SLC16A14: variants seen among roughly 807,000 people sequenced by gnomAD.
The protein encoded by SLC16A14 is solute carrier family 16 member 14.
Under a neutral mutation model 35.8 loss-of-function variants are expected in SLC16A14, and 14 were observed. The ratio of observed to expected loss-of-function variants is 0.39; its 90% CI spans 0.26 to 0.61. The LOEUF is 0.61. Among genes scored for constraint, SLC16A14 ranks in the 20% least tolerant of loss-of-function variants. SLC16A14 has a pLI of 0.51. For synonymous variants in SLC16A14, 248 were observed against 258.9 expected (o/e 0.96, Z 0.40); for missense variants, 533 against 655.0 (o/e 0.81, Z 2.03).
chr2:230,045,662 AC>A (rs768403347), intron 4 of SLC16A14, 82 bp downstream of exon 4: 14 of 1,469,054 alleles, frequency 9.5e-6, no homozygotes, highest in African/African-American at 2.8e-5. Flanking sequence ...ACAAATGGAA[AC>A]CTTCTTCTTT....
At chr2:230,054,383 A>G (rs1022884719) in intron 2 of SLC16A14, among the ~76,000 whole-genome samples, 3 of 152,208 alleles carry the variant, frequency 2.0e-5, no homozygotes, top group African/African-American at 4.8e-5. Context: ...AGTCACAGAG[A>G]AAGGGTTATA....
Position 230,036,334 on chromosome 2 carries a change from C to T in SLC16A14, c.*1046G>A, listed in dbSNP as rs1022842394. 3.3e-5 allele frequency: 5 copies of T among 152,248 alleles called. No individual in the cohort carries two copies. Among genetic ancestry groups the T allele is most frequent in the Admixed American group, 6.5e-5 (1 of 15,284 alleles). The allele number at this position is 152,248 out of a possible 1,614,324, so 9.4% of individuals were successfully genotyped here. On this transcript the variant is annotated 3_prime_UTR_variant, in exon 5 of 5. Coordinates refer to ENST00000295190, the MANE Select transcript of SLC16A14 (RefSeq NM_152527.5). ...CAAATGAATGGTCTATATAACAACACGAGAGTCTAGAGATGGGCTATTTGT... is the reference window on the plus strand; with the variant it reads ...CAAATGAATGGTCTATATAACAACATGAGAGTCTAGAGATGGGCTATTTGT...
intron 1 of SLC16A14, 49 bp from the exon 2 acceptor site, chr2:230,059,415 A>G (rs1050690470): frequency 1.4e-6 from 2 of 1,402,440 alleles, no homozygotes; most frequent in African/African-American, 2.9e-5. Context: ...AAGGAAAAAT[A>G]TCTTCATCTT....
chr2:230,056,256 T>G (rs1460733841), intron 2 of SLC16A14, among the ~76,000 whole-genome samples: 4 of 147,456 alleles, frequency 2.7e-5, no homozygotes, highest in Non-Finnish European at 4.5e-5. Context: ...ATTGGTGTTT[T>G]TTTTTTTTTT....
Position 230,037,698 on chromosome 2 carries a change from G to T in SLC16A14, c.1382-167C>A, listed in dbSNP as rs200582420. Reference sequence around the variant, plus strand: ...TCCATTTCTTTTCCTTTTTTTTTTTGTTTTTTATATTTTTTGGTTCTCATT... The same window carrying T: ...TCCATTTCTTTTCCTTTTTTTTTTTTTTTTTTATATTTTTTGGTTCTCATT... On this transcript the variant is annotated intron_variant, in intron 4 of 4. Transcript: ENST00000295190. 1.6e-3 allele frequency among the ~76,000 whole-genome samples: 234 copies of T among 141,918 alleles called. 3 individuals are homozygous for T. Among genetic ancestry groups the T allele is most frequent in the Admixed American group, 0.011 (162 of 14,320 alleles). The allele number at this position is 141,918 out of a possible 152,430, so 93.1% of individuals were successfully genotyped here. A position where few individuals can be genotyped will look rare whatever the true frequency, so the allele number is the denominator to read the frequency against.
At chr2:230,042,726 T>A (rs13388175) in intron 4 of SLC16A14, among the ~76,000 whole-genome samples, 9,269 of 152,230 alleles carry the variant, frequency 0.061, 978 homozygotes, top group African/African-American at 0.21. Context: ...CTTTCCTTCC[T>A]CTAGTACAGA....
chr2:230,060,534 TG>T (rs1284393444), intron 1 of SLC16A14, among the ~76,000 whole-genome samples: 1 of 151,968 alleles, frequency 6.6e-6, no homozygotes. Context: ...TATGTATGTA[TG>T]TATGTATGGA....
At chr2:230,051,114 A>T (rs1211166123) in intron 2 of SLC16A14, among the ~76,000 whole-genome samples, 1 of 152,108 alleles carries the variant, frequency 6.6e-6, no homozygotes, top group Non-Finnish European at 1.5e-5. Flanking sequence ...ATTTTATGAG[A>T]CGCATTCTGA....
Position 230,038,176 on chromosome 2 carries a change from T to C in SLC16A14, c.1382-645A>G, listed in dbSNP as rs924989653. Among the ~76,000 whole-genome samples the C allele has an allele frequency of 2.0e-5, 3 of 152,314 alleles. No individual in the cohort carries two copies. The highest frequency in any genetic ancestry group is 7.2e-5 in the African/African-American group (3 of 41,576). ...GCCATAGATGCTGACTAAATTATGT[T>C]ATTTTCAAATAATAATTTAATATTA... On this transcript the variant is annotated intron_variant, in intron 4 of 4. Coordinates refer to ENST00000295190, the MANE Select transcript of SLC16A14 (RefSeq NM_152527.5). The surrounding 1 kb of genome is among the most constrained non-coding windows in gnomAD (Gnocchi z 4.4).
intron 4 of SLC16A14, among the ~76,000 whole-genome samples, chr2:230,045,391 T>A (rs2077596004): frequency 6.6e-6 from 1 of 152,150 alleles, no homozygotes. Context: ...AACCCCCATG[T>A]CTACCAAAAA....
chr2:230,054,455 G>C (rs1467226130), intron 2 of SLC16A14, among the ~76,000 whole-genome samples: 1 of 152,170 alleles, frequency 6.6e-6, no homozygotes, highest in African/African-American at 2.4e-5. Flanking sequence ...GATTTACTGA[G>C]TGTGAGATGA....
chr2:230,051,999 C>T (rs62191759), intron 2 of SLC16A14, among the ~76,000 whole-genome samples: 9,548 of 150,550 alleles, frequency 0.063, 381 homozygotes, highest in Middle Eastern at 0.092. Flanking sequence ...TGCAGTGGCG[C>T]GATCTCGACT....
At chr2:230,044,434 C>T (rs976144225) in intron 4 of SLC16A14, among the ~76,000 whole-genome samples, 5 of 148,512 alleles carry the variant, frequency 3.4e-5, no homozygotes, top group East Asian at 4.0e-4. Context: ...GCTGAGATCA[C>T]GCCACTGCAC....
In SLC16A14 at chr2:230,045,564, A is replaced by G. The variant is rs151210783; in HGVS notation, c.1381+181T>C. On this transcript the variant is annotated intron_variant, in intron 4 of 4. Coordinates refer to ENST00000295190, the MANE Select transcript of SLC16A14 (RefSeq NM_152527.5). ...GATAGAGCGAGACTCCGTCTTGAAA[A>G]AAAAAAAGAAAGAATAGGCTTTAAC... 1.8e-3 allele frequency: 1,347 copies of G among 745,120 alleles called. 20 individuals carry two copies. The East Asian group carries it at 0.023, about 13-fold the overall frequency. 46.2% of individuals were successfully genotyped at this position (745,120 alleles called of 1,614,324 possible).
At chr2:230,044,409 C>T (rs144115320) in intron 4 of SLC16A14, among the ~76,000 whole-genome samples, 1,712 of 146,794 alleles carry the variant, frequency 0.012, 17 homozygotes, top group Non-Finnish European at 0.018. Context: ...ACTTGGGAGG[C>T]GGAGGTTGCG....
intron 1 of SLC16A14, among the ~76,000 whole-genome samples, chr2:230,067,832 T>G (rs1408557252): frequency 6.6e-6 from 1 of 152,162 alleles, no homozygotes; most frequent in Non-Finnish European, 1.5e-5. Flanking sequence ...TTGAGGAGCC[T>G]CAATCGGAAG....
At chr2:230,045,664 C>G (rs369656548) in intron 4 of SLC16A14, 81 bp downstream of exon 4, 3 of 1,489,766 alleles carry the variant, frequency 2.0e-6, no homozygotes, top group Admixed American at 1.9e-5. Context: ...AAATGGAAAC[C>G]TTCTTCTTTA....
At chr2:230,048,722 G>A (rs1225091272) in intron 3 of SLC16A14, among the ~76,000 whole-genome samples, 4 of 151,908 alleles carry the variant, frequency 2.6e-5, no homozygotes, top group East Asian at 3.9e-4. Context: ...TTGGGAGTTC[G>A]AGACCAGCCT....
chr2:230,054,805 G>C (rs1236600405), intron 2 of SLC16A14, among the ~76,000 whole-genome samples: 1 of 151,490 alleles, frequency 6.6e-6, no homozygotes, highest in Non-Finnish European at 1.5e-5. Flanking sequence ...TGAGGCAGGA[G>C]AATCGCTGGA....
Sources: allele counts gnomAD v4.1 joint callset (sites outside exome capture counted in the v4.1 genomes callset), GRCh38; gene constraint gnomAD v4.1.1; non-coding constraint Gnocchi (gnomAD v3.1); transcripts MANE v1.5; gene names NCBI Gene and HGNC (gene_info 2026-07-23, HGNC 2026-07-21).